ELMO1: variants seen among roughly 807,000 people sequenced by gnomAD.
The protein encoded by ELMO1 is engulfment and cell motility 1.
Under a neutral mutation model 98.9 loss-of-function variants are expected in ELMO1, and 26 were observed. The observed-to-expected ratio is 0.26, with a 90% CI of 0.19 to 0.36. ELMO1 has a LOEUF of 0.36. Among genes scored for constraint, ELMO1 ranks in the 10% least tolerant of loss-of-function variants. The probability of loss-of-function intolerance (pLI) is 1.00; values close to 1 mark genes in which losing one functional copy is unlikely to be tolerated. For missense variants in ELMO1, 627 were observed against 935.2 expected (o/e 0.67, Z 4.30); for synonymous variants, 346 against 346.0 (o/e 1.00, Z 0.00).
intron 15 of ELMO1, among the ~76,000 whole-genome samples, chr7:37,054,376 C>A (rs1244322567): frequency 2.6e-5 from 4 of 152,014 alleles, no homozygotes; most frequent in Non-Finnish European, 5.9e-5. Flanking sequence ...AACAGCCTAC[C>A]AAGAAGATGC....
At chr7:37,431,195 G>A (rs1047936462) in intron 1 of ELMO1, among the ~76,000 whole-genome samples, 3 of 152,044 alleles carry the variant, frequency 2.0e-5, no homozygotes, top group African/African-American at 7.2e-5. Flanking sequence ...AGATTAGCCC[G>A]GCATGGTGGT....
intron 13 of ELMO1, among the ~76,000 whole-genome samples, chr7:37,160,664 C>T (rs559029699): frequency 3.1e-4 from 47 of 152,156 alleles, no homozygotes; most frequent in Non-Finnish European, 6.3e-4. Flanking sequence ...TCATAAGTAG[C>T]CCCCAAATGT....
chr7:37,225,117 C>G, intron 8 of ELMO1, 87 bp from the exon 9 acceptor site: 1 of 1,529,054 alleles, frequency 6.5e-7, no homozygotes, highest in East Asian at 2.3e-5. Context: ...AAATCGGGAA[C>G]TCATTTAAGA....
chr7:37,097,935 C>A (rs1343477983), intron 14 of ELMO1, among the ~76,000 whole-genome samples: 1 of 152,174 alleles, frequency 6.6e-6, no homozygotes, highest in African/African-American at 2.4e-5. Context: ...ATCCTCTTTT[C>A]TTAAGCTAAT....
intron 16 of ELMO1, among the ~76,000 whole-genome samples, chr7:36,954,778 C>A (rs1423684754): frequency 6.6e-6 from 1 of 152,142 alleles, no homozygotes; most frequent in Non-Finnish European, 1.5e-5. Flanking sequence ...AAATGGTCTC[C>A]TCGGTCCACT....
intron 15 of ELMO1, among the ~76,000 whole-genome samples, chr7:37,021,174 G>C (rs771289407): frequency 6.6e-6 from 1 of 152,120 alleles, no homozygotes; most frequent in African/African-American, 2.4e-5. Context: ...GGTGAAAAGA[G>C]GAGAGTGGGG....
intron 17 of ELMO1, among the ~76,000 whole-genome samples, chr7:36,894,380 G>A (rs1380176828): frequency 1.3e-5 from 2 of 152,148 alleles, no homozygotes; most frequent in Non-Finnish European, 2.9e-5. Flanking sequence ...AGGGCAAAGA[G>A]GAGGTAGTTC....
rs190136958 is a variant in ELMO1, at chr7:37,096,685, G to A, written c.1234C>T (p.Pro412Ser). 127 of 1,614,146 alleles carry A rather than the reference G, an allele frequency of 7.9e-5. No individual in the cohort carries two copies. The East Asian group carries it at 2.7e-3, about 34-fold the overall frequency. ...NSSREDKHEC[P>S]FGRSSIELTK... is the part of the protein sequence containing the mutation. ...AGCTCTATACTACTGCGGCCAAAGG[G>A]ACATTCATGCTTGTCTTCTCGACTA... The change falls in exon 15 of 22, where the codon CCC (proline) becomes TCC (serine). Residue 412 changes from proline (P) to serine (S), a missense_variant. Pro to Ser is a moderately conservative substitution (Grantham distance 74). Around this residue, in one of 3 missense-constraint regions of ELMO1, gnomAD observed 492 missense variants for 715.6 expected, o/e 0.69. Transcript: ENST00000310758.
intron 13 of ELMO1, among the ~76,000 whole-genome samples, chr7:37,168,454 C>A (rs1024094704): frequency 6.6e-6 from 1 of 152,064 alleles, no homozygotes; most frequent in Admixed American, 6.6e-5. Context: ...TGTTTTTTCC[C>A]CATCTTTGTG....
intron 14 of ELMO1, among the ~76,000 whole-genome samples, chr7:37,110,194 T>C (rs1397986991): frequency 6.6e-5 from 10 of 152,342 alleles, no homozygotes; most frequent in Admixed American, 5.9e-4. Context: ...ACTTTTTTTC[T>C]TCATTTCAGA....
intron 1 of ELMO1, among the ~76,000 whole-genome samples, chr7:37,425,396 T>C (rs1430403000): frequency 6.6e-6 from 1 of 152,224 alleles, no homozygotes; most frequent in Non-Finnish European, 1.5e-5. Flanking sequence ...GGTATGAGGA[T>C]TTCAACATAA....
chr7:37,289,832 G>C (rs1797584780), intron 4 of ELMO1, among the ~76,000 whole-genome samples: 1 of 152,138 alleles, frequency 6.6e-6, no homozygotes, highest in Non-Finnish European at 1.5e-5. Context: ...AGTTAGTAGG[G>C]ATACTAGGTG....
chr7:36,971,615 T>C (rs980892949), intron 16 of ELMO1, among the ~76,000 whole-genome samples: 1 of 152,178 alleles, frequency 6.6e-6, no homozygotes, highest in African/African-American at 2.4e-5. Context: ...TACCAAGAGA[T>C]CTAAGCCTGG....
chr7:36,938,598 A>G (rs759663678), intron 16 of ELMO1, among the ~76,000 whole-genome samples: 1 of 152,250 alleles, frequency 6.6e-6, no homozygotes, highest in Non-Finnish European at 1.5e-5. Flanking sequence ...AAAATAAAAT[A>G]TTTAAGGTAT....
intron 1 of ELMO1, among the ~76,000 whole-genome samples, chr7:37,432,976 C>T (rs529642542): frequency 1.3e-5 from 2 of 152,260 alleles, no homozygotes; most frequent in African/African-American, 2.4e-5. Context: ...CTGTAATGTT[C>T]GTTATATCTA....
At chr7:37,364,315 T>G (rs1346205543) in intron 1 of ELMO1, among the ~76,000 whole-genome samples, 1 of 152,260 alleles carries the variant, frequency 6.6e-6, no homozygotes, top group African/African-American at 2.4e-5. Context: ...GCCAAATATG[T>G]ATTCTGCCAA....
chr7:37,045,736 T>G (rs998321060), intron 15 of ELMO1, among the ~76,000 whole-genome samples: 73 of 152,202 alleles, frequency 4.8e-4, no homozygotes, highest in African/African-American at 1.7e-3. Context: ...TTTTCCCAGA[T>G]TCCCTAAAAT....
At chr7:36,897,163 G>T (rs1806077399) in intron 16 of ELMO1, among the ~76,000 whole-genome samples, 1 of 152,244 alleles carries the variant, frequency 6.6e-6, no homozygotes, top group South Asian at 2.1e-4. Context: ...GACCTGAACT[G>T]ACCAATCAAA....
chr7:37,285,493 A>G (rs571244253), intron 4 of ELMO1, among the ~76,000 whole-genome samples: 3 of 152,338 alleles, frequency 2.0e-5, no homozygotes, highest in African/African-American at 7.2e-5. Flanking sequence ...TAGCCATCGA[A>G]GTGCTGCTAT....
Sources: allele counts gnomAD v4.1 joint callset (sites outside exome capture counted in the v4.1 genomes callset), GRCh38; gene constraint gnomAD v4.1.1; regional missense constraint gnomAD v4.1.1; transcripts MANE v1.5; gene names NCBI Gene and HGNC (gene_info 2026-07-23, HGNC 2026-07-21).